LGALS9: variants seen among roughly 807,000 people sequenced by gnomAD.
LGALS9 encodes the protein galectin-9.
A neutral mutation model predicts 35.9 loss-of-function variants in LGALS9; 26 were observed. That is an observed-to-expected ratio of 0.72 (90% CI 0.53 to 1.01). The LOEUF is 1.01. Ranked by LOEUF, LGALS9 falls within the 50% of genes least tolerant of loss-of-function variation. The pLI is 0.00. For synonymous variants in LGALS9, 149 were observed against 172.2 expected (o/e 0.87, Z 1.06); for missense variants, 347 against 445.8 (o/e 0.78, Z 1.99).
At chr17:27,634,165 G>T (rs1478361628) in intron 1 of LGALS9, among the ~76,000 whole-genome samples, 2 of 152,188 alleles carry the variant, frequency 1.3e-5, no homozygotes, top group African/African-American at 2.4e-5. Context: ...CCTTCTGGAG[G>T]CCCCAGGGGA....
intron 9 of LGALS9, 36 bp downstream of exon 9, chr17:27,647,154 G>C (rs1404114515): frequency 6.2e-7 from 1 of 1,614,174 alleles, no homozygotes; most frequent in Non-Finnish European, 8.5e-7. Context: ...TGGGAAGAGA[G>C]AGCCCTTCAA....
intron 4 of LGALS9, 139 bp from the exon 5 acceptor site, chr17:27,643,386 A>G: frequency 1.5e-6 from 2 of 1,348,258 alleles, no homozygotes; most frequent in Non-Finnish European, 2.0e-6. Flanking sequence ...TTCCCATCCC[A>G]TCTTGGCAGG....
At position 27,643,526 on chromosome 17, in the gene LGALS9, AC is replaced by A. The variant is rs1904680963; in HGVS notation, c.451del (p.Arg151AlafsTer66). 1 of 1,610,492 alleles carries A rather than the reference AC, an allele frequency of 6.2e-7. No homozygotes were observed. The highest frequency in any genetic ancestry group is 1.3e-5 in the African/African-American group (1 of 74,456). ...SVQLSYISFQ[N>X]PRTVPVQPAF... is the part of the protein sequence containing the mutation. ...GCCCGGTGCCTTTTGTTTTAACAGAACCCCCGCACAGTCCCTGTTCAGCCTG... is the reference window on the plus strand; with the variant it reads ...GCCCGGTGCCTTTTGTTTTAACAGAACCCCGCACAGTCCCTGTTCAGCCTG... On this transcript the variant is annotated frameshift_variant and splice_region_variant, in exon 5 of 11. Transcript: ENST00000395473. LOFTEE classifies it high-confidence loss of function.
At chr17:27,646,709 A>G in intron 8 of LGALS9, 121 bp downstream of exon 8, 1 of 1,497,922 alleles carries the variant, frequency 6.7e-7, no homozygotes, top group Non-Finnish European at 9.2e-7. Flanking sequence ...GTTAAGCTGA[A>G]GGGCTTCAAA....
intron 1 of LGALS9, among the ~76,000 whole-genome samples, chr17:27,637,811 G>T (rs570404975): frequency 6.6e-6 from 1 of 152,132 alleles, no homozygotes; most frequent in Non-Finnish European, 1.5e-5. Flanking sequence ...GGTCCCTTGG[G>T]CTTCCTGAGT....
At chr17:27,643,659 A>G (rs747520609) in intron 5 of LGALS9, 39 bp downstream of exon 5, 9 of 1,565,924 alleles carry the variant, frequency 5.7e-6, no homozygotes, top group Admixed American at 1.8e-5. Context: ...CCGAGCAGAC[A>G]GTAGGAAGGA....
intron 8 of LGALS9, 93 bp from the exon 9 acceptor site, chr17:27,646,937 G>T: frequency 1.3e-6 from 2 of 1,558,270 alleles, no homozygotes; most frequent in Non-Finnish European, 1.8e-6. Flanking sequence ...AAGATATCAT[G>T]GGCTTCTTCT....
At chr17:27,632,128 C>A (rs2074399297) in intron 1 of LGALS9, among the ~76,000 whole-genome samples, 1 of 152,066 alleles carries the variant, frequency 6.6e-6, no homozygotes, top group Non-Finnish European at 1.5e-5. Flanking sequence ...ATGGGAGTGG[C>A]AGCCCCAGGA....
rs552176742 is a variant in LGALS9, at chr17:27,647,398, G to A, written c.887G>A (p.Arg296Gln). 54 of 1,614,102 alleles carry A rather than the reference G, an allele frequency of 3.3e-5. No individual in the cohort carries two copies. The highest frequency in any genetic ancestry group is 8.9e-5 in the East Asian group (4 of 44,876). Reference sequence around the variant, plus strand: ...GGGTCTGAGGAGCGAAGTCTGCCCCGAAAAATGCCCTTCGTCCGTGGCCAG... The same window carrying A: ...GGGTCTGAGGAGCGAAGTCTGCCCCAAAAAATGCCCTTCGTCCGTGGCCAG... ...SWGSEERSLP[R>Q]KMPFVRGQSF... The change falls in exon 10 of 11, where the codon CGA (arginine) becomes CAA (glutamine). Residue 296 changes from arginine to glutamine, a missense_variant. Transcript: ENST00000395473.
intron 1 of LGALS9, among the ~76,000 whole-genome samples, chr17:27,637,402 T>C (rs975615874): frequency 6.6e-6 from 1 of 152,114 alleles, no homozygotes; most frequent in African/African-American, 2.4e-5. Context: ...GTCACTCAGG[T>C]CATGAGCAGC....
chr17:27,647,261 C>T lies in LGALS9; in HGVS notation c.759-9C>T, dbSNP rs769029160. The T allele has an allele frequency of 3.7e-6, 6 of 1,613,684 alleles. No homozygotes were observed. The East Asian group carries it at 1.1e-4, about 30-fold the overall frequency. On this transcript the variant is annotated splice_polypyrimidine_tract_variant and intron_variant, in intron 9 of 10. Transcript: ENST00000395473. ...GTGGATAAAGGTTCAGGTGGGCTGC[C>T]CACCCCAGGTTCCACATCAACCTGT...
At position 27,642,277 on chromosome 17, in the gene LGALS9, C is replaced by T. The variant is rs1474471096; in HGVS notation, c.373C>T (p.Arg125Cys). The change falls in exon 4 of 11, where the codon CGC becomes TGC. Residue 125 changes from arginine (R) to cysteine (C), a missense_variant. Physicochemically the swap from Arg to Cys is radical, Grantham distance 180 (BLOSUM62 -3). Transcript: ENST00000395473. ...NGILFVQYFH[R>C]VPFHRVDTIS... ...GATCCTCTTCGTGCAGTACTTCCAC[C>T]GCGTGCCCTTCCACCGTGTGGACAC... 3 of 1,612,928 alleles carry T rather than the reference C, an allele frequency of 1.9e-6. No homozygotes were observed. Among genetic ancestry groups the T allele is most frequent in the Admixed American group, 3.3e-5 (2 of 59,976 alleles).
At chr17:27,645,290 T>C (rs1436131819) in intron 5 of LGALS9, 24 bp from the exon 6 acceptor site, 23 of 1,613,776 alleles carry the variant, frequency 1.4e-5, no homozygotes, top group Non-Finnish European at 1.9e-5. Context: ...ATAACCACCA[T>C]TCTGACTCTC....
At chr17:27,640,531 A>C (rs1332959481) in intron 2 of LGALS9, 41 bp from the exon 3 acceptor site, 1 of 1,612,510 alleles carries the variant, frequency 6.2e-7, no homozygotes, top group Admixed American at 1.7e-5. Flanking sequence ...CACTGGCAAT[A>C]ATCCATGCCA....
chr17:27,646,394 A>G (rs1259402957), intron 7 of LGALS9, among the ~76,000 whole-genome samples, 153 bp from the exon 8 acceptor site: 3 of 152,196 alleles, frequency 2.0e-5, no homozygotes, highest in South Asian at 2.1e-4. Flanking sequence ...GAAGGCTAAC[A>G]TGAAAAGGGA....
intron 1 of LGALS9, among the ~76,000 whole-genome samples, chr17:27,636,848 G>GA (rs2074457674): frequency 6.6e-6 from 1 of 152,018 alleles, no homozygotes; most frequent in Non-Finnish European, 1.5e-5. Flanking sequence ...AAAAAATCCG[G>GA]ACTTCTGTCT....
chr17:27,633,909 G>A (rs2074416465), intron 1 of LGALS9, among the ~76,000 whole-genome samples: 1 of 152,200 alleles, frequency 6.6e-6, no homozygotes, highest in Non-Finnish European at 1.5e-5. Context: ...CTTGGCCAGT[G>A]TCAGAATTGC....
Position 27,647,273 on chromosome 17 carries a change from C to T in LGALS9, c.762C>T (p.Phe254=), listed in dbSNP as rs769295061. 2.5e-6 allele frequency: 4 copies of T among 1,613,980 alleles called. No individual in the cohort carries two copies. The highest frequency in any genetic ancestry group is 3.3e-5 in the Admixed American group (2 of 60,024). Residue 254 remains phenylalanine (F), a synonymous_variant, in exon 10 of 11, where the codon TTC becomes TTT. Transcript: ENST00000395473. Reference sequence around the variant, plus strand: ...TCAGGTGGGCTGCCCACCCCAGGTTCCACATCAACCTGTGCTCTGGGAACC... The same window carrying T: ...TCAGGTGGGCTGCCCACCCCAGGTTTCACATCAACCTGTGCTCTGGGAACC... ...SGTVLPSAQR[F]HINLCSGNHI...
rs1904903368 is a variant in LGALS9 at position 27,645,892 on chromosome 17, C to G, written c.608C>G (p.Ala203Gly). 6.3e-7 allele frequency: 1 copy of G among 1,591,290 alleles called. No homozygotes were observed. Among genetic ancestry groups the G allele is most frequent in the African/African-American group, 1.4e-5 (1 of 74,058 alleles). Reference protein sequence around the residue: ...TQTVIHTVQSAPGQMFSTPAI... With the variant: ...TQTVIHTVQSGPGQMFSTPAI... ...ACAGTCATCCACACAGTGCAGAGCG[C>G]CCCTGGACAGATGTTCTCTGTAAGT... is the stretch of plus-strand genomic sequence containing the variant. Residue 203 changes from alanine to glycine, a missense_variant, in exon 7 of 11, where the codon GCC becomes GGC. Ala to Gly is a moderately conservative substitution (Grantham distance 60). Transcript: ENST00000395473.
Sources: allele counts gnomAD v4.1 joint callset (sites outside exome capture counted in the v4.1 genomes callset), GRCh38; gene constraint gnomAD v4.1.1; transcripts MANE v1.5; gene names NCBI Gene and HGNC (gene_info 2026-07-23, HGNC 2026-07-21).